ZNF462: variants seen among roughly 807,000 people sequenced by gnomAD.
The protein encoded by ZNF462 is zinc finger PBX1-interacting protein.
A neutral mutation model predicts 201.9 loss-of-function variants in ZNF462; 10 were observed. The ratio of observed to expected loss-of-function variants is 0.05; its 90% CI spans 0.03 to 0.08. The LOEUF is 0.08. Among genes scored for constraint, ZNF462 ranks in the 10% least tolerant of loss-of-function variants. The probability of loss-of-function intolerance (pLI) is 1.00; values close to 1 mark genes in which losing one functional copy is unlikely to be tolerated. For synonymous variants in ZNF462, 1,227 were observed against 1,193.3 expected (o/e 1.03, Z -0.58); for missense variants, 2,523 against 3,168.3 (o/e 0.80, Z 4.89).
chr9:106,907,706 T>C (rs535517533), intron 1 of ZNF462, among the ~76,000 whole-genome samples: 5 of 152,066 alleles, frequency 3.3e-5, no homozygotes, highest in Non-Finnish European at 7.4e-5. Context: ...CCTTATGATG[T>C]AATATATTGA....
chr9:106,947,238 T>C (rs1831150066), intron 7 of ZNF462, among the ~76,000 whole-genome samples: 1 of 152,206 alleles, frequency 6.6e-6, no homozygotes, highest in African/African-American at 2.4e-5. Flanking sequence ...AGGGCCCAGC[T>C]AAAGTTTCAT....
chr9:106,969,339 C>A (rs2132006597), intron 7 of ZNF462, among the ~76,000 whole-genome samples: 1 of 152,266 alleles, frequency 6.6e-6, no homozygotes, highest in South Asian at 2.1e-4. Context: ...TGACTTCTTG[C>A]ATTTTTATTT....
Position 106,867,313 on chromosome 9 carries a change from C to G in ZNF462, c.-31+3958C>G, listed in dbSNP as rs1827378579. ...GACATTTTCATTTAATGTCAAAGCT[C>G]AAAGATCATTTTTGTTTATGAGACA... On this transcript the variant is annotated intron_variant, in intron 1 of 12. Coordinates refer to ENST00000277225, the MANE Select transcript of ZNF462 (RefSeq NM_021224.6). Among the ~76,000 whole-genome samples, 3 of 152,048 alleles carry G rather than the reference C, an allele frequency of 2.0e-5. No homozygotes were observed. In the South Asian group the frequency reaches 6.2e-4, roughly 32 times the overall value.
In ZNF462 at chr9:106,936,160, C is replaced by T. The variant is rs1468988184; in HGVS notation, c.6235+539C>T. Among the ~76,000 whole-genome samples the T allele has an allele frequency of 2.0e-5, 3 of 152,282 alleles. 1 individual carries two copies. The South Asian group carries it at 6.2e-4, about 32-fold the overall frequency. On this transcript the variant is annotated intron_variant, in intron 6 of 12. Transcript: ENST00000277225. ...CATATTGTTGTTCCATCTCATTACT[C>T]ATTAGAAAAAATTGGAAATGAAAGA...
At chr9:106,891,533 C>T (rs192742418) in intron 1 of ZNF462, among the ~76,000 whole-genome samples, 35 of 152,126 alleles carry the variant, frequency 2.3e-4, no homozygotes, top group African/African-American at 7.0e-4. Context: ...AAGATGGTCA[C>T]GAGAGAGAAA....
In ZNF462 at chr9:106,933,621, G is replaced by C. The variant is rs1032238264; in HGVS notation, c.6116+1072G>C. Reference sequence around the variant, plus strand: ...GTGGCCAGGGGAATTTAGGGTCAAGGGTTGGTTTATGAAATTAAAAAAAAA... The same window carrying C: ...GTGGCCAGGGGAATTTAGGGTCAAGCGTTGGTTTATGAAATTAAAAAAAAA... On this transcript the variant is annotated intron_variant, in intron 5 of 12. Transcript: ENST00000277225. The surrounding 1 kb of genome is among the most constrained non-coding windows in gnomAD (Gnocchi z 4.3). Among the ~76,000 whole-genome samples, 1 of 152,018 alleles carries C rather than the reference G, an allele frequency of 6.6e-6. No individual in the cohort carries two copies. Among genetic ancestry groups the C allele is most frequent in the African/African-American group, 2.4e-5 (1 of 41,362 alleles).
At chr9:106,882,989 T>C (rs1363710588) in intron 1 of ZNF462, among the ~76,000 whole-genome samples, 1 of 152,222 alleles carries the variant, frequency 6.6e-6, no homozygotes, top group African/African-American at 2.4e-5. Context: ...GTCATGTTCT[T>C]TGAAGATGGT....
chr9:106,910,008 C>G (rs2131291213), intron 1 of ZNF462, among the ~76,000 whole-genome samples: 1 of 152,308 alleles, frequency 6.6e-6, no homozygotes, highest in African/African-American at 2.4e-5. Flanking sequence ...CTGTCATCTT[C>G]TCCACTTGCT....
intron 1 of ZNF462, among the ~76,000 whole-genome samples, chr9:106,864,399 G>A (rs1037453821): frequency 6.6e-6 from 1 of 152,098 alleles, no homozygotes; most frequent in African/African-American, 2.4e-5. Flanking sequence ...CTCACTCCTG[G>A]TGCAGTTCCC....
chr9:106,955,372 CAT>C (rs1831529337), intron 7 of ZNF462, among the ~76,000 whole-genome samples: 1 of 152,098 alleles, frequency 6.6e-6, no homozygotes. Context: ...AAAAAATGTA[CAT>C]ATCTTAATTA....
At position 106,924,995 on chromosome 9, in the gene ZNF462, G is replaced by A. The variant is rs1830133398; in HGVS notation, c.1083G>A (p.Glu361=). 1 of 1,614,196 alleles carries A rather than the reference G, an allele frequency of 6.2e-7. No individual in the cohort carries two copies. The highest frequency in any genetic ancestry group is 8.5e-7 in the Non-Finnish European group (1 of 1,180,044). ...ATTCTGGTCTAGTTAACTTGACAGA[G>A]AGATCCCGTTATGGAATGACTGACA... ...PHNSGLVNLT[E]RSRYGMTDMT... is the part of the protein sequence containing the mutation. Residue 361 remains glutamate (E), a synonymous_variant, in exon 3 of 13, where the codon GAG becomes GAA. Coordinates refer to ENST00000277225, the MANE Select transcript of ZNF462 (RefSeq NM_021224.6). This position sits in a 1 kb window ranked among gnomAD's most constrained non-coding sequence, Gnocchi z 6.2.
intron 1 of ZNF462, among the ~76,000 whole-genome samples, chr9:106,918,092 G>C (rs928724027): frequency 1.3e-5 from 2 of 151,828 alleles, no homozygotes; most frequent in African/African-American, 4.8e-5. Flanking sequence ...GACCAGACTG[G>C]TCTCGAACTC....
At chr9:106,958,636 G>A (rs1326461398) in intron 7 of ZNF462, among the ~76,000 whole-genome samples, 1 of 152,136 alleles carries the variant, frequency 6.6e-6, no homozygotes, top group Non-Finnish European at 1.5e-5. Flanking sequence ...AGCTGTGCCA[G>A]AAGTTCCTAA....
At position 106,885,809 on chromosome 9, in the gene ZNF462, A is replaced by G. The variant is rs914545448; in HGVS notation, c.-31+22454A>G. The stretch of plus-strand genomic sequence containing the variant: ...CTTGCACATGGGACTGATGTTGAGG[A>G]CTGCTTGATGTTTTGGAGCCCACCT... On this transcript the variant is annotated intron_variant, in intron 1 of 12. Coordinates refer to ENST00000277225, the MANE Select transcript of ZNF462 (RefSeq NM_021224.6). This position sits in a 1 kb window ranked among gnomAD's most constrained non-coding sequence, Gnocchi z 4.1. 1.3e-5 allele frequency among the ~76,000 whole-genome samples: 2 copies of G among 152,180 alleles called. No individual in the cohort carries two copies. The highest frequency in any genetic ancestry group is 4.8e-5 in the African/African-American group (2 of 41,444).
rs1304940018 is a variant in ZNF462, at chr9:106,895,174, A to G, written c.-30-28180A>G. Among the ~76,000 whole-genome samples, 3 of 152,174 alleles carry G rather than the reference A, an allele frequency of 2.0e-5. No individual in the cohort carries two copies. Among genetic ancestry groups the G allele is most frequent in the African/African-American group, 7.2e-5 (3 of 41,432 alleles). On this transcript the variant is annotated intron_variant, in intron 1 of 12. Transcript: ENST00000277225. This position sits in a 1 kb window ranked among gnomAD's most constrained non-coding sequence, Gnocchi z 4.4. ...TATTGGCACTGTTCTTTTAAAATTC[A>G]GTTAAAAGTATCATTTTCCATTTAT...
rs1828066342 is a variant in ZNF462, at chr9:106,880,945, A to G, written c.-31+17590A>G. ...AGAATTCTGATTCCTACAAAACAAT[A>G]TTGGCAGGTTTTCAAGGAGCCAGCC... On this transcript the variant is annotated intron_variant, in intron 1 of 12. Transcript: ENST00000277225. The surrounding 1 kb of genome is among the most constrained non-coding windows in gnomAD (Gnocchi z 4.1). Among the ~76,000 whole-genome samples, 1 of 152,180 alleles carries G rather than the reference A, an allele frequency of 6.6e-6. No homozygotes were observed. Among genetic ancestry groups the G allele is most frequent in the African/African-American group, 2.4e-5 (1 of 41,448 alleles).
At position 106,991,839 on chromosome 9, in the gene ZNF462, TACACA is replaced by T. The variant is rs1452189804; in HGVS notation, c.7056+7431_7056+7435del. Among the ~76,000 whole-genome samples, 616 of 136,350 alleles carry T rather than the reference TACACA, an allele frequency of 4.5e-3. 4 individuals are homozygous for T. The highest frequency in any genetic ancestry group is 0.017 in the African/African-American group (592 of 35,400). The allele number at this position is 136,350 out of a possible 152,430, so 89.5% of individuals were successfully genotyped here. A position where few individuals can be genotyped will look rare whatever the true frequency, so the allele number is the denominator to read the frequency against. On this transcript the variant is annotated intron_variant, in intron 10 of 12. Transcript: ENST00000277225. ...GACCCTTGACCTTTACAGCACTCTC[TACACA>T]CACACACACACACACACACACACAC... is the stretch of plus-strand genomic sequence containing the variant.
At position 106,938,968 on chromosome 9, in the gene ZNF462, C is replaced by T. The variant is rs1588088102; in HGVS notation, c.6288C>T (p.Ser2096=). The change falls in exon 7 of 13, where the codon AGC becomes AGT. Residue 2096 remains serine (S), a synonymous_variant. Transcript: ENST00000277225. The surrounding 1 kb of genome is among the most constrained non-coding windows in gnomAD (Gnocchi z 4.4). ...SWCSFSTMTI[S]QLKEHSLKVH... ...GCTCATTCTCCACCATGACAATCAGCCAGCTGAAGGAACACTCCCTCAAGG... is the reference window on the plus strand; with the variant it reads ...GCTCATTCTCCACCATGACAATCAGTCAGCTGAAGGAACACTCCCTCAAGG... The T allele has an allele frequency of 6.2e-7, 1 of 1,613,572 alleles. No individual in the cohort carries two copies. The highest frequency in any genetic ancestry group is 1.1e-5 in the South Asian group (1 of 90,982).
intron 1 of ZNF462, among the ~76,000 whole-genome samples, chr9:106,909,361 T>C (rs1829446679): frequency 6.6e-6 from 1 of 152,134 alleles, no homozygotes; most frequent in Non-Finnish European, 1.5e-5. Flanking sequence ...TTTATTGTTA[T>C]AACCACTACA....
Sources: gnomAD v4.1 joint callset for allele counts (sites outside exome capture counted in the v4.1 genomes callset) on GRCh38, gnomAD v4.1.1 for gene constraint, Gnocchi (gnomAD v3.1) non-coding constraint, MANE v1.5 for transcripts, NCBI Gene and HGNC (gene_info 2026-07-23, HGNC 2026-07-21) for gene names.